Variants in TBCA observed in about 807,000 individuals in gnomAD.
The protein encoded by TBCA is tubulin folding cofactor A.
A neutral mutation model predicts 15.8 loss-of-function variants in TBCA; 6 were observed. The ratio of observed to expected loss-of-function variants is 0.38; its 90% CI spans 0.21 to 0.75. The LOEUF is 0.75. TBCA is among the 30% of genes least tolerant of loss of function. The pLI, the probability that TBCA is intolerant of heterozygous loss-of-function variation, is 0.46. For missense variants in TBCA, 90 were observed against 131.2 expected (o/e 0.69, Z 1.53); for synonymous variants, 32 against 42.3 (o/e 0.76, Z 0.94).
chr5:77,727,871 A>C (rs1302477012), intron 1 of TBCA, among the ~76,000 whole-genome samples: 1 of 152,176 alleles, frequency 6.6e-6, no homozygotes, highest in Non-Finnish European at 1.5e-5. Context: ...TAAAAACCTA[A>C]GTAGAAAAGA....
chr5:77,747,711 G>GT (rs1359408096), intron 1 of TBCA, among the ~76,000 whole-genome samples: 1 of 152,058 alleles, frequency 6.6e-6, no homozygotes, highest in African/African-American at 2.4e-5. Context: ...GTCTTTTAAA[G>GT]TTTTTTCTGC....
chr5:77,705,972 T>C (rs168447), intron 2 of TBCA, among the ~76,000 whole-genome samples: 152,246 of 152,312 alleles, frequency 1, 76,091 homozygotes, highest in Middle Eastern at 1. Flanking sequence ...TAAAGGAAGA[T>C]GGCCTCTCCT....
intron 1 of TBCA, among the ~76,000 whole-genome samples, chr5:77,759,372 T>C (rs1747551519): frequency 6.6e-6 from 1 of 152,186 alleles, no homozygotes; most frequent in Non-Finnish European, 1.5e-5. Context: ...TAATTGTTTC[T>C]TATCAGATTT....
intron 1 of TBCA, among the ~76,000 whole-genome samples, chr5:77,753,232 C>A (rs967297146): frequency 1.3e-5 from 2 of 152,130 alleles, no homozygotes; most frequent in Non-Finnish European, 2.9e-5. Flanking sequence ...ACCAAATTAA[C>A]CTTACCAAAG....
intron 2 of TBCA, among the ~76,000 whole-genome samples, chr5:77,700,030 C>CAAAAAA (rs67790719): frequency 4.6e-5 from 4 of 86,082 alleles, no homozygotes; most frequent in Admixed American, 1.5e-4. Flanking sequence ...GGCTCTGACT[C>CAAAAAA]AAAAAAAAAA....
In TBCA at chr5:77,707,601, T is replaced by C. The variant is rs1048591807; in HGVS notation, c.159+641A>G. ...AAGCAGATGTAACCTCATTTCTTGATTCAAAATCAAGAAGAGCCTTGTATG... is the reference window on the plus strand; with the variant it reads ...AAGCAGATGTAACCTCATTTCTTGACTCAAAATCAAGAAGAGCCTTGTATG... On this transcript the variant is annotated intron_variant, in intron 2 of 3. Transcript: ENST00000380377. Among the ~76,000 whole-genome samples the C allele has an allele frequency of 2.0e-5, 3 of 152,296 alleles. No homozygotes were observed. In the East Asian group the frequency reaches 5.8e-4, roughly 30 times the overall value.
chr5:77,775,460 C>T (rs254416), intron 1 of TBCA, among the ~76,000 whole-genome samples: 32,910 of 152,162 alleles, frequency 0.22, 4,545 homozygotes, highest in Non-Finnish European at 0.31. Flanking sequence ...CCAAGCTGTG[C>T]CCCAACCGCC....
intron 1 of TBCA, among the ~76,000 whole-genome samples, chr5:77,745,357 T>C (rs992389988): frequency 1.3e-5 from 2 of 152,254 alleles, no homozygotes; most frequent in African/African-American, 4.8e-5. Context: ...AATGTATTAT[T>C]TGCAATTCAA....
At position 77,776,296 on chromosome 5, in the gene TBCA, G is replaced by T. The variant is rs201384173; in HGVS notation, c.-39C>A. ...CCGCGAGAAGGAGGGGCGGAGAGCC[G>T]GGGTAACCGTGGAGGGCGACGCGCA... On this transcript the variant is annotated 5_prime_UTR_variant, in exon 1 of 4. Transcript: ENST00000380377. The T allele has an allele frequency of 1.9e-6, 3 of 1,561,406 alleles. No homozygotes were observed. The highest frequency in any genetic ancestry group is 2.6e-6 in the Non-Finnish European group (3 of 1,153,680).
At chr5:77,729,171 G>A (rs1171131333) in intron 1 of TBCA, among the ~76,000 whole-genome samples, 2 of 151,972 alleles carry the variant, frequency 1.3e-5, no homozygotes, top group Non-Finnish European at 2.9e-5. Context: ...AAAATTAGCT[G>A]GGCATGGTGG....
intron 1 of TBCA, among the ~76,000 whole-genome samples, chr5:77,765,508 C>A (rs537325764): frequency 6.6e-6 from 1 of 152,286 alleles, no homozygotes; most frequent in East Asian, 1.9e-4. Flanking sequence ...CACCTGAAGC[C>A]CAAGTCCTTA....
At chr5:77,761,894 T>C (rs1361651215) in intron 1 of TBCA, among the ~76,000 whole-genome samples, 1 of 152,186 alleles carries the variant, frequency 6.6e-6, no homozygotes, top group Non-Finnish European at 1.5e-5. Context: ...CAGAGTTACA[T>C]GGGAAAGTTT....
In TBCA at chr5:77,693,282, T is replaced by A. The variant is rs1372853537; in HGVS notation, c.230A>T (p.Asp77Val). Residue 77 changes from aspartate to valine, a missense_variant, in exon 3 of 4, where the codon GAT becomes GTT. By Grantham distance (152) the Asp-to-Val change is radical. Transcript: ENST00000380377. The part of the protein sequence containing the change: ...CQRRLEAAYL[D>V]LQRILENEKD... Reference sequence around the variant, plus strand: ...TTTGCTTACTAGTATCCGTTGAAGATCCAAATATGCGGCTTCCAACCTGCG... The same window carrying A: ...TTTGCTTACTAGTATCCGTTGAAGAACCAAATATGCGGCTTCCAACCTGCG... 2 of 1,613,816 alleles carry A rather than the reference T, an allele frequency of 1.2e-6. No homozygotes were observed. The highest frequency in any genetic ancestry group is 3.3e-5 in the Admixed American group (2 of 59,960).
chr5:77,749,323 C>T (rs548569150), intron 1 of TBCA, among the ~76,000 whole-genome samples: 11 of 152,272 alleles, frequency 7.2e-5, no homozygotes, highest in Non-Finnish European at 1.2e-4. Flanking sequence ...TTATTATATG[C>T]GTAATAATAC....
chr5:77,691,531 C>A (rs772989416), intron 3 of TBCA, 33 bp from the exon 4 acceptor site: 2 of 1,539,212 alleles, frequency 1.3e-6, no homozygotes, highest in East Asian at 2.4e-5. Context: ...TTAAGTTTAT[C>A]CTTTTCAAGT....
intron 1 of TBCA, among the ~76,000 whole-genome samples, chr5:77,717,696 G>A (rs1443537972): frequency 2.6e-5 from 4 of 152,170 alleles, no homozygotes; most frequent in African/African-American, 7.2e-5. Context: ...GCCAGGCATA[G>A]TGGTGCACGC....
chr5:77,738,388 T>G (rs901384401), intron 1 of TBCA, among the ~76,000 whole-genome samples: 3 of 152,192 alleles, frequency 2.0e-5, no homozygotes, highest in African/African-American at 7.2e-5. Flanking sequence ...ACTTGCCCCC[T>G]GACCCTCAGT....
chr5:77,719,037 C>T (rs1320248267), intron 1 of TBCA, among the ~76,000 whole-genome samples: 1 of 152,172 alleles, frequency 6.6e-6, no homozygotes, highest in Non-Finnish European at 1.5e-5. Flanking sequence ...ATAAATCCCC[C>T]AAGGTGTGAA....
intron 1 of TBCA, among the ~76,000 whole-genome samples, chr5:77,719,628 A>G (rs1746484015): frequency 6.6e-6 from 1 of 152,264 alleles, no homozygotes; most frequent in Non-Finnish European, 1.5e-5. Flanking sequence ...TTTAAAAAAT[A>G]AGTTAGACAT....
Sources: gnomAD v4.1 joint callset for allele counts (sites outside exome capture counted in the v4.1 genomes callset) on GRCh38, gnomAD v4.1.1 for gene constraint, MANE v1.5 for transcripts, NCBI Gene and HGNC (gene_info 2026-07-23, HGNC 2026-07-21) for gene names.